Variants in TBCD observed in about 807,000 individuals in gnomAD.
The protein encoded by TBCD is tubulin folding cofactor D.
In TBCD, 105 loss-of-function variants were observed where a neutral mutation model predicts 169.3. The observed-to-expected ratio is 0.62, with a 90% CI of 0.53 to 0.73. The LOEUF is 0.73. Ranked by LOEUF, TBCD falls within the 30% of genes least tolerant of loss-of-function variation. TBCD has a pLI of 0.00. For missense variants in TBCD, 1,444 were observed against 1,600.1 expected (o/e 0.90, Z 1.66); for synonymous variants, 700 against 643.9 (o/e 1.09, Z -1.32).
chr17:82,830,531 T>C, intron 13 of TBCD: 1 of 1,614,072 alleles, frequency 6.2e-7, no homozygotes, highest in Non-Finnish European at 8.5e-7. Flanking sequence ...TCAGGGTGGC[T>C]GGGCCCATCC....
At chr17:82,900,976 C>T (rs1169507325) in intron 18 of TBCD, among the ~76,000 whole-genome samples, 13 of 152,252 alleles carry the variant, frequency 8.5e-5, no homozygotes, top group East Asian at 1.9e-4. Flanking sequence ...CAAATGTCCA[C>T]GCTGGCGTGT....
chr17:82,783,605 A>G (rs1358805923), intron 7 of TBCD, among the ~76,000 whole-genome samples: 2 of 152,172 alleles, frequency 1.3e-5, no homozygotes, highest in Non-Finnish European at 2.9e-5. Context: ...GTCGTACACG[A>G]CACAGCCTTT....
At chr17:82,752,905 G>A (rs2047190503) in intron 1 of TBCD, among the ~76,000 whole-genome samples, 1 of 152,208 alleles carries the variant, frequency 6.6e-6, no homozygotes, top group African/African-American at 2.4e-5. Context: ...GAGGGCAGCA[G>A]CCTGTCCGTT....
chr17:82,930,902 C>CT lies in TBCD; in HGVS notation c.3113+259_3113+260insT, dbSNP rs2062145631. On this transcript the variant is annotated intron_variant, in intron 33 of 38. Transcript: ENST00000355528. This position sits in a 1 kb window ranked among gnomAD's most constrained non-coding sequence, Gnocchi z 5.2. ...AAATGACCGTTGTGTGTACAATGGA[C>CT]GTAAAGGTAGTATGAGTACAAGGTG... is the stretch of plus-strand genomic sequence containing the variant. Among the ~76,000 whole-genome samples, 1 of 152,148 alleles carries CT rather than the reference C, an allele frequency of 6.6e-6. No individual in the cohort carries two copies. Among genetic ancestry groups the CT allele is most frequent in the Non-Finnish European group, 1.5e-5 (1 of 68,012 alleles).
At position 82,926,336 on chromosome 17, in the gene TBCD, C is replaced by T. The variant is rs1403896029; in HGVS notation, c.2380-64C>T. On this transcript the variant is annotated intron_variant, in intron 27 of 38. Transcript: ENST00000355528. ...CTGTGGCTCCGGGCCAACATTGCCA[C>T]CTCCCTAAAGAGTGCACTTTGTTAT... 2.0e-6 allele frequency: 3 copies of T among 1,512,186 alleles called. No individual in the cohort carries two copies. In the African/African-American group the frequency reaches 4.1e-5, roughly 21 times the overall value. The allele number at this position is 1,512,186 out of a possible 1,614,324, so 93.7% of individuals were successfully genotyped here.
chr17:82,941,282 C>T (rs1335358796), intron 37 of TBCD, 117 bp from the exon 38 acceptor site: 17 of 801,704 alleles, frequency 2.1e-5, no homozygotes, highest in South Asian at 1.2e-4. Flanking sequence ...CTATGGATGT[C>T]GGGGGTGAGG....
intron 13 of TBCD, among the ~76,000 whole-genome samples, chr17:82,846,649 G>C (rs1195525276): frequency 6.6e-6 from 1 of 152,200 alleles, no homozygotes; most frequent in East Asian, 1.9e-4. Flanking sequence ...CGGGTTGTCT[G>C]GAAGCCGCCA....
Position 82,846,257 on chromosome 17 carries a change from C to A in TBCD, c.1319-23967C>A, listed in dbSNP as rs879467596. Among the ~76,000 whole-genome samples, 2 of 144,438 alleles carry A rather than the reference C, an allele frequency of 1.4e-5. 1 individual carries two copies. Among genetic ancestry groups the A allele is most frequent in the Non-Finnish European group, 3.1e-5 (2 of 64,208 alleles). The allele number at this position is 144,438 out of a possible 152,430, so 94.8% of individuals were successfully genotyped here. On this transcript the variant is annotated intron_variant, in intron 13 of 38. Coordinates refer to ENST00000355528, the MANE Select transcript of TBCD (RefSeq NM_005993.5). ...CCTCTGCTGCCCCCTCCACGCGCTG[C>A]GTCCTCTGTGCTGTGTCCTCTTGTC...
At chr17:82,845,407 G>A (rs1275136096) in intron 13 of TBCD, among the ~76,000 whole-genome samples, 1 of 142,900 alleles carries the variant, frequency 7.0e-6, no homozygotes, top group African/African-American at 2.7e-5. Context: ...TGTCCAGCTT[G>A]GCCCCTTCCT....
intron 22 of TBCD, among the ~76,000 whole-genome samples, chr17:82,911,057 C>A (rs1005383335): frequency 9.9e-5 from 15 of 152,214 alleles, no homozygotes; most frequent in African/African-American, 3.4e-4. Flanking sequence ...TTGGGCTCCA[C>A]CCCACACACT....
intron 15 of TBCD, among the ~76,000 whole-genome samples, chr17:82,887,944 T>G (rs1484604412): frequency 6.6e-6 from 1 of 152,188 alleles, no homozygotes; most frequent in African/African-American, 2.4e-5. Flanking sequence ...GATTGTTTTT[T>G]GTAGTTCTTG....
At chr17:82,909,982 G>A (rs988932938) in intron 22 of TBCD, among the ~76,000 whole-genome samples, 1 of 152,138 alleles carries the variant, frequency 6.6e-6, no homozygotes, top group Non-Finnish European at 1.5e-5. Context: ...TTTCTTCCCC[G>A]ACGTGTCTTT....
rs139082484 is a variant in TBCD, at chr17:82,830,343, C to T, written c.1318+15409C>T. 3.1e-4 allele frequency: 498 copies of T among 1,613,752 alleles called. 2 individuals carry two copies. Among genetic ancestry groups the T allele is most frequent in the Middle Eastern group, 1.3e-3 (8 of 6,060 alleles). Reference sequence around the variant, plus strand: ...CTTGCCGGCAGGCAGGTTCCGGGGCCGCAGCATCCCCATCGCCCACCCGGA... The same window carrying T: ...CTTGCCGGCAGGCAGGTTCCGGGGCTGCAGCATCCCCATCGCCCACCCGGA... On this transcript the variant is annotated intron_variant, in intron 13 of 38. Coordinates refer to ENST00000355528, the MANE Select transcript of TBCD (RefSeq NM_005993.5).
chr17:82,822,168 T>G (rs941297588), intron 13 of TBCD, among the ~76,000 whole-genome samples: 14 of 152,224 alleles, frequency 9.2e-5, no homozygotes, highest in Non-Finnish European at 2.1e-4. Flanking sequence ...TGCACGTACT[T>G]CCTATGACAA....
intron 13 of TBCD, among the ~76,000 whole-genome samples, chr17:82,845,435 C>T (rs916805260): frequency 1.1e-4 from 17 of 149,474 alleles, no homozygotes; most frequent in Non-Finnish European, 1.6e-4. Context: ...TTGTCCGGCC[C>T]GGCCCCTTCC....
intron 29 of TBCD, 35 bp downstream of exon 29, chr17:82,927,358 A>G: frequency 1.2e-6 from 2 of 1,603,916 alleles, no homozygotes; most frequent in Non-Finnish European, 8.5e-7. Flanking sequence ...GCTTCTTCTG[A>G]GAAGCCCATC....
Position 82,875,860 on chromosome 17 carries a change from G to A in TBCD, c.1475+5480G>A, listed in dbSNP as rs150262406. Among the ~76,000 whole-genome samples, 42 of 152,262 alleles carry A rather than the reference G, an allele frequency of 2.8e-4. 1 individual carries two copies. Among genetic ancestry groups the A allele is most frequent in the Non-Finnish European group, 5.6e-4 (38 of 68,018 alleles). On this transcript the variant is annotated intron_variant, in intron 14 of 38. Transcript: ENST00000355528. ...CTCCACGTCAGCTCAGGTGTGACTC[G>A]AAAGCACTTAAAAAATTCTCGTGTT...
At chr17:82,878,826 G>T (rs2058154183) in intron 14 of TBCD, among the ~76,000 whole-genome samples, 1 of 152,166 alleles carries the variant, frequency 6.6e-6, no homozygotes, top group South Asian at 2.1e-4. Context: ...TTCAGTGATT[G>T]CAGCTTGTTC....
intron 13 of TBCD, among the ~76,000 whole-genome samples, chr17:82,815,212 T>C (rs2051782190): frequency 6.6e-6 from 1 of 152,218 alleles, no homozygotes; most frequent in South Asian, 2.1e-4. Flanking sequence ...TTGTCTGCTG[T>C]GGAATTTTAA....
Sources: gnomAD v4.1 joint callset for allele counts (sites outside exome capture counted in the v4.1 genomes callset) on GRCh38, gnomAD v4.1.1 for gene constraint, Gnocchi (gnomAD v3.1) non-coding constraint, MANE v1.5 for transcripts, NCBI Gene and HGNC (gene_info 2026-07-23, HGNC 2026-07-21) for gene names.